Variants in MAP4K5 observed in about 807,000 individuals in gnomAD.
MAP4K5 encodes mitogen-activated protein kinase kinase kinase kinase 5.
A neutral mutation model predicts 135.6 loss-of-function variants in MAP4K5; 82 were observed. The ratio of observed to expected loss-of-function variants is 0.60; its 90% CI spans 0.51 to 0.73. The LOEUF (loss-of-function observed/expected upper bound fraction) is 0.73, where lower values mean the gene tolerates loss of function less well. Ranked by LOEUF, MAP4K5 falls within the 30% of genes least tolerant of loss-of-function variation. The pLI, the probability that MAP4K5 is intolerant of heterozygous loss-of-function variation, is 0.00. For missense variants in MAP4K5, 907 were observed against 1,010.9 expected, an observed-to-expected ratio of 0.90 and a Z score of 1.39; for synonymous variants, 347 against 335.0, an observed-to-expected ratio of 1.04 and a Z score of -0.39.
chr14:50,473,538 A>AT (rs2037017091), intron 9 of MAP4K5, among the ~76,000 whole-genome samples: 1 of 152,076 alleles, frequency 6.6e-6, no homozygotes, highest in African/African-American at 2.4e-5. Context: ...ATTTTAGACA[A>AT]TATTTCCTGT....
intron 5 of MAP4K5, 99 bp downstream of exon 5, chr14:50,485,479 A>G: frequency 1.4e-6 from 1 of 739,512 alleles, no homozygotes; most frequent in South Asian, 1.8e-5. Flanking sequence ...AATGCAAAAT[A>G]GTAAGTCTAC....
At chr14:50,560,145 A>T in intron 1 of MAP4K5, 1 of 1,186,472 alleles carries the variant, frequency 8.4e-7, no homozygotes, top group Middle Eastern at 2.0e-4. Flanking sequence ...CAACATCCTC[A>T]GAGTCTGAGC....
chr14:50,435,919 T>TA (rs1282001721), intron 26 of MAP4K5, among the ~76,000 whole-genome samples: 1 of 152,202 alleles, frequency 6.6e-6, no homozygotes, highest in Non-Finnish European at 1.5e-5. Flanking sequence ...GTTTTTATCT[T>TA]AGATTCCAAG....
At chr14:50,461,520 A>T (rs928991144) in intron 13 of MAP4K5, among the ~76,000 whole-genome samples, 1 of 152,202 alleles carries the variant, frequency 6.6e-6, no homozygotes, top group African/African-American at 2.4e-5. Context: ...TAAGGAGAGA[A>T]AGAGACTGGT....
chr14:50,509,053 A>G (rs562096437), intron 2 of MAP4K5, among the ~76,000 whole-genome samples: 1 of 152,250 alleles, frequency 6.6e-6, no homozygotes, highest in East Asian at 1.9e-4. Context: ...ATGCAGCCAT[A>G]AAAAAAGGAA....
intron 1 of MAP4K5, among the ~76,000 whole-genome samples, chr14:50,543,818 T>C (rs1306360955): frequency 6.6e-6 from 1 of 152,218 alleles, no homozygotes; most frequent in Non-Finnish European, 1.5e-5. Flanking sequence ...TCTACAACTT[T>C]GTCTCTATTA....
chr14:50,483,893 C>T (rs2037308310), intron 5 of MAP4K5, among the ~76,000 whole-genome samples: 1 of 151,670 alleles, frequency 6.6e-6, no homozygotes, highest in South Asian at 2.1e-4. Flanking sequence ...GACAGTCTTG[C>T]TCTCTCGCCC....
intron 11 of MAP4K5, among the ~76,000 whole-genome samples, 189 bp downstream of exon 11, chr14:50,466,381 CAAAAAAAAAAAAA>C (rs1194669006): frequency 1.8e-5 from 1 of 54,630 alleles, no homozygotes; most frequent in Non-Finnish European, 3.4e-5. Context: ...AATCCTGTCT[CAAAAAAAAAAAAA>C]AAAAAAAAAA....
intron 28 of MAP4K5, among the ~76,000 whole-genome samples, chr14:50,432,556 C>CAAAAA (rs56267301): frequency 3.6e-5 from 5 of 139,916 alleles, no homozygotes; most frequent in African/African-American, 1.2e-4. Context: ...ACAAAACTCT[C>CAAAAA]AAAAAAAAAA....
chr14:50,445,206 A>G lies in MAP4K5; in HGVS notation c.1186-12T>C, dbSNP rs1023947336. 1 of 1,610,912 alleles carries G rather than the reference A, an allele frequency of 6.2e-7. No individual in the cohort carries two copies. Among genetic ancestry groups the G allele is most frequent in the Non-Finnish European group, 8.5e-7 (1 of 1,178,378 alleles). ...CTGCTTATCCTTGGCTAGTGGTACA[A>G]AGACAAAAAAGTACTTTAACAGTTA... is the stretch of plus-strand genomic sequence containing the variant. On this transcript the variant is annotated splice_polypyrimidine_tract_variant and intron_variant, in intron 17 of 32. Transcript: ENST00000682126.
At chr14:50,507,850 GAT>G (rs2037845354) in intron 2 of MAP4K5, among the ~76,000 whole-genome samples, 1 of 152,186 alleles carries the variant, frequency 6.6e-6, no homozygotes, top group African/African-American at 2.4e-5. Flanking sequence ...GAGTTCTGTA[GAT>G]GTCTATTGGG....
chr14:50,526,206 C>A (rs564597071), intron 2 of MAP4K5, among the ~76,000 whole-genome samples: 36 of 152,328 alleles, frequency 2.4e-4, no homozygotes, highest in African/African-American at 8.2e-4. Context: ...CTCTCCCTTC[C>A]TTCATCCCCA....
intron 3 of MAP4K5, 86 bp downstream of exon 3, chr14:50,504,714 T>C (rs772656242): frequency 1.4e-5 from 13 of 962,414 alleles, no homozygotes; most frequent in Non-Finnish European, 1.7e-5. Flanking sequence ...TGATAGAACA[T>C]ATAAAGACTT....
chr14:50,462,731 C>G lies in MAP4K5; in HGVS notation c.870G>C (p.Leu290=). ...PGLSRALAVE[L]LDKVNNPDNH... is the part of the protein sequence containing the mutation. ...TATCTGGATTGTTCACTTTGTCTAACAGTTCAACTGCTAGGGCTCTAGAGA... is the reference window on the plus strand; with the variant it reads ...TATCTGGATTGTTCACTTTGTCTAAGAGTTCAACTGCTAGGGCTCTAGAGA... The change falls in exon 13 of 33, where the codon CTG becomes CTC. Residue 290 remains leucine (L), a synonymous_variant. Coordinates refer to ENST00000682126, the MANE Select transcript of MAP4K5 (RefSeq NM_006575.6). 7 of 1,604,632 alleles carry G rather than the reference C, an allele frequency of 4.4e-6. No individual in the cohort carries two copies. The highest frequency in any genetic ancestry group is 5.9e-6 in the Non-Finnish European group (7 of 1,177,580).
At chr14:50,482,274 T>C (rs2037260794) in intron 6 of MAP4K5, 87 bp downstream of exon 6, 1 of 687,758 alleles carries the variant, frequency 1.5e-6, no homozygotes, top group Non-Finnish European at 2.3e-6. Context: ...TTTATAGTTA[T>C]CAATTGTCAG....
At chr14:50,460,478 T>C (rs951484066) in intron 13 of MAP4K5, among the ~76,000 whole-genome samples, 1 of 152,128 alleles carries the variant, frequency 6.6e-6, no homozygotes, top group African/African-American at 2.4e-5. Flanking sequence ...ACATAACTAG[T>C]GAAAGGCAAA....
intron 11 of MAP4K5, among the ~76,000 whole-genome samples, chr14:50,466,183 C>G (rs2036828693): frequency 6.6e-6 from 1 of 151,794 alleles, no homozygotes; most frequent in South Asian, 2.1e-4. Flanking sequence ...TTGAGACCAG[C>G]CTGGGCAACA....
At chr14:50,498,966 T>C (rs984024957) in intron 3 of MAP4K5, among the ~76,000 whole-genome samples, 2 of 152,212 alleles carry the variant, frequency 1.3e-5, no homozygotes, top group South Asian at 2.1e-4. Context: ...CCAAAATTAT[T>C]TGAAGTATCT....
chr14:50,476,709 G>A (rs1044700622), intron 6 of MAP4K5, among the ~76,000 whole-genome samples: 45 of 152,152 alleles, frequency 3.0e-4, no homozygotes, highest in Non-Finnish European at 5.9e-4. Context: ...TGATCCACCC[G>A]CCTCAGCCTC....
Sources: allele counts gnomAD v4.1 joint callset (sites outside exome capture counted in the v4.1 genomes callset), GRCh38; gene constraint gnomAD v4.1.1; transcripts MANE v1.5; gene names NCBI Gene and HGNC (gene_info 2026-07-23, HGNC 2026-07-21).